The following SLC12A8 variants were observed in gnomAD, a reference collection of about 807,000 sequenced individuals.
SLC12A8 encodes solute carrier family 12 member 8.
A neutral mutation model predicts 75.6 loss-of-function variants in SLC12A8; 69 were observed. The ratio of observed to expected loss-of-function variants is 0.91; its 90% CI spans 0.75 to 1.11. The LOEUF (loss-of-function observed/expected upper bound fraction) is 1.11. SLC12A8 is among the 50% of genes most tolerant of loss of function. The pLI is 0.00. For synonymous variants in SLC12A8, 365 were observed against 372.8 expected, an observed-to-expected ratio of 0.98 and a Z score of 0.24; for missense variants, 877 against 896.7, an observed-to-expected ratio of 0.98 and a Z score of 0.28.
At chr3:125,089,081 T>C (rs1938527811) in intron 12 of SLC12A8, among the ~76,000 whole-genome samples, 2 of 152,252 alleles carry the variant, frequency 1.3e-5, no homozygotes, top group Admixed American at 1.3e-4. Context: ...TCCTAAATTA[T>C]ACATACATAT....
At chr3:125,106,356 T>TTTTTTTG (rs567362846) in intron 10 of SLC12A8, among the ~76,000 whole-genome samples, 2,085 of 151,930 alleles carry the variant, frequency 0.014, 41 homozygotes, top group African/African-American at 0.043. Context: ...TTTGGGGTTT[T>TTTTTTTG]TTGTTGTTGT....
intron 6 of SLC12A8, among the ~76,000 whole-genome samples, chr3:125,133,758 C>A (rs962807239): frequency 1.3e-5 from 2 of 151,916 alleles, no homozygotes; most frequent in African/African-American, 4.8e-5. Context: ...TTTGTAGAGA[C>A]CACAGGGTCT....
rs536354550 is a variant in SLC12A8 at position 125,177,865 on chromosome 3, G to A, written c.500C>T (p.Ala167Val). The A allele has an allele frequency of 4.1e-5, 66 of 1,614,130 alleles. 1 individual carries two copies. The South Asian group carries it at 6.5e-4, about 16-fold the overall frequency. Reference sequence around the variant, plus strand: ...ACCTGCGAGGTTAATGCCCAGCAAGGCCAGAAGCACCGCAACTGAAATTCC... The same window carrying A: ...ACCTGCGAGGTTAATGCCCAGCAAGACCAGAAGCACCGCAACTGAAATTCC... ...VRGISVAVLL[A>V]LLGINLAGVK... is the part of the protein sequence containing the mutation. Residue 167 changes from alanine to valine, a missense_variant, in exon 5 of 14, where the codon GCC (alanine) becomes GTC (valine). By Grantham distance (64) the Ala-to-Val change is moderately conservative. Transcript: ENST00000469902.
In SLC12A8 at chr3:125,193,030, G is replaced by C. The variant is rs541784056; in HGVS notation, c.52-2509C>G. The stretch of plus-strand genomic sequence containing the variant: ...AAAATGCCAAATAAAGCCCCCGAGG[G>C]ATATTTCCCAGATGCCACGCTGCCT... On this transcript the variant is annotated intron_variant, in intron 2 of 13. Transcript: ENST00000469902. 2.6e-5 allele frequency among the ~76,000 whole-genome samples: 4 copies of C among 152,334 alleles called. No homozygotes were observed. In the South Asian group the frequency reaches 8.3e-4, roughly 32 times the overall value.
At position 125,120,695 on chromosome 3, in the gene SLC12A8, C is replaced by T. The variant is rs1253140001; in HGVS notation, c.737-9G>A. ...GAAGCCGGCCATGACTCCTGAAAGA[C>T]ACCCAGATGGGGAATGGGGTGAGCA... is the stretch of plus-strand genomic sequence containing the variant. On this transcript the variant is annotated splice_polypyrimidine_tract_variant and intron_variant, in intron 6 of 13. Coordinates refer to ENST00000469902, the MANE Select transcript of SLC12A8 (RefSeq NM_024628.6). The T allele has an allele frequency of 6.2e-7, 1 of 1,611,392 alleles. No individual in the cohort carries two copies. The highest frequency in any genetic ancestry group is 8.5e-7 in the Non-Finnish European group (1 of 1,178,032).
chr3:125,102,680 C>T lies in SLC12A8; in HGVS notation c.1705+4801G>A, dbSNP rs145056635. Among the ~76,000 whole-genome samples the T allele has an allele frequency of 8.4e-3, 1,280 of 152,184 alleles. 22 individuals are homozygous for T. Among genetic ancestry groups the T allele is most frequent in the African/African-American group, 0.03 (1,227 of 41,516 alleles). On this transcript the variant is annotated intron_variant, in intron 10 of 13. Transcript: ENST00000469902. ...TTTCTAAGACTAGGCAGCTGGACAG[C>T]GACCACTTCCTTGATTAAACATTGC...
At chr3:125,161,349 A>G (rs752157484) in intron 5 of SLC12A8, among the ~76,000 whole-genome samples, 3 of 152,202 alleles carry the variant, frequency 2.0e-5, no homozygotes, top group Admixed American at 6.5e-5. Context: ...CCATATTCCT[A>G]TTTCCCTAAA....
At chr3:125,168,057 C>G (rs187734688) in intron 5 of SLC12A8, among the ~76,000 whole-genome samples, 101 of 152,268 alleles carry the variant, frequency 6.6e-4, no homozygotes, top group African/African-American at 2.3e-3. Context: ...GTGTCAGTCG[C>G]CCTTAGGAAA....
chr3:125,180,968 A>G (rs1934645687), intron 4 of SLC12A8, among the ~76,000 whole-genome samples: 1 of 152,242 alleles, frequency 6.6e-6, no homozygotes, highest in African/African-American at 2.4e-5. Context: ...AATGTATCAT[A>G]GAAGTTTAAT....
chr3:125,110,235 A>T lies in SLC12A8; in HGVS notation c.1013T>A (p.Ile338Asn). The T allele has an allele frequency of 6.2e-7, 1 of 1,614,032 alleles. No homozygotes were observed. Among genetic ancestry groups the T allele is most frequent in the East Asian group, 2.2e-5 (1 of 44,884 alleles). Residue 338 changes from isoleucine to asparagine, a missense_variant, in exon 9 of 14, where the codon ATT becomes AAT. Coordinates refer to ENST00000469902, the MANE Select transcript of SLC12A8 (RefSeq NM_024628.6). Reference sequence around the variant, plus strand: ...TGCAGGGATCACTTTCTCCTGGGCAATGCACTGCAGGATGCGGGGAGCTCC... The same window carrying T: ...TGCAGGGATCACTTTCTCCTGGGCATTGCACTGCAGGATGCGGGGAGCTCC... ...LYGAPRILQC[I>N]AQEKVIPALA...
intron 5 of SLC12A8, among the ~76,000 whole-genome samples, chr3:125,167,851 G>A (rs1163084386): frequency 2.0e-5 from 3 of 152,250 alleles, no homozygotes; most frequent in African/African-American, 7.2e-5. Context: ...GCGGAGAATT[G>A]TTCAGAAAGG....
chr3:125,099,023 A>G (rs1938792892), intron 10 of SLC12A8, among the ~76,000 whole-genome samples: 1 of 152,212 alleles, frequency 6.6e-6, no homozygotes, highest in Non-Finnish European at 1.5e-5. Context: ...CTAGAAAACT[A>G]CGCCCACGCC....
intron 10 of SLC12A8, among the ~76,000 whole-genome samples, chr3:125,098,618 C>G (rs1938781460): frequency 6.7e-6 from 1 of 149,578 alleles, no homozygotes; most frequent in African/African-American, 2.5e-5. Context: ...ACAAAATAGT[C>G]CAAAACACTT....
intron 5 of SLC12A8, among the ~76,000 whole-genome samples, chr3:125,174,549 T>C (rs1013147499): frequency 6.6e-6 from 1 of 152,232 alleles, no homozygotes; most frequent in East Asian, 1.9e-4. Context: ...ATCAGTTTTA[T>C]TAATAATTGC....
At chr3:125,092,044 A>G in intron 11 of SLC12A8, 57 bp downstream of exon 11, 2 of 1,246,202 alleles carry the variant, frequency 1.6e-6, no homozygotes, top group South Asian at 1.3e-5. Context: ...AAGATCACAC[A>G]TGTGTCCACC....
At chr3:125,134,322 C>G (rs1218801268) in intron 6 of SLC12A8, among the ~76,000 whole-genome samples, 2 of 151,676 alleles carry the variant, frequency 1.3e-5, no homozygotes, top group African/African-American at 4.8e-5. Flanking sequence ...GTTGTCCAGG[C>G]TGTTCTTGAA....
intron 5 of SLC12A8, among the ~76,000 whole-genome samples, chr3:125,174,530 G>T (rs776016304): frequency 6.6e-6 from 1 of 152,180 alleles, no homozygotes; most frequent in Non-Finnish European, 1.5e-5. Context: ...CCTGAACATG[G>T]ATGTTTATAT....
rs147699678 is a variant in SLC12A8, at chr3:125,084,152, C to T, written c.1983-100G>A. ...CATAAAGAAATTATCTGTAAACACA[C>T]ATGTATTTAAATGTTTAAAACATAA... On this transcript the variant is annotated intron_variant, in intron 13 of 13. Coordinates refer to ENST00000469902, the MANE Select transcript of SLC12A8 (RefSeq NM_024628.6). The T allele has an allele frequency of 6.1e-5, 56 of 920,152 alleles. No individual in the cohort carries two copies. The African/African-American group carries it at 8.8e-4, about 15-fold the overall frequency. The allele number at this position is 920,152 out of a possible 1,614,324, so 57.0% of individuals were successfully genotyped here. A position where few individuals can be genotyped will look rare whatever the true frequency, so the allele number is the denominator to read the frequency against.
At chr3:125,096,646 C>A (rs759678919) in intron 10 of SLC12A8, among the ~76,000 whole-genome samples, 2 of 152,248 alleles carry the variant, frequency 1.3e-5, no homozygotes, top group African/African-American at 4.8e-5. Context: ...ATTCTAAATG[C>A]CAACTCTAGG....
Sources: gnomAD v4.1 joint callset for allele counts (sites outside exome capture counted in the v4.1 genomes callset) on GRCh38, gnomAD v4.1.1 for gene constraint, MANE v1.5 for transcripts, NCBI Gene and HGNC (gene_info 2026-07-23, HGNC 2026-07-21) for gene names.